Variants in DTL observed in about 807,000 individuals in gnomAD.
DTL encodes denticleless E3 ubiquitin protein ligase adapter.
DTL carries 46 observed loss-of-function variants against 87.0 expected under a neutral mutation model. That is an observed-to-expected ratio of 0.53 (90% CI 0.42 to 0.68). The LOEUF is 0.68. Ranked by LOEUF, DTL falls within the 30% of genes least tolerant of loss-of-function variation. DTL has a pLI of 0.00. For missense variants in DTL, 737 were observed against 869.4 expected (o/e 0.85, Z 1.91); for synonymous variants, 308 against 311.2 (o/e 0.99, Z 0.11).
intron 13 of DTL, among the ~76,000 whole-genome samples, chr1:212,084,876 T>G (rs1364234267): frequency 6.6e-6 from 1 of 152,190 alleles, no homozygotes; most frequent in Non-Finnish European, 1.5e-5. Flanking sequence ...CATGGGGGAT[T>G]GGATCCAGGA....
chr1:212,035,793 A>T lies in DTL; in HGVS notation c.-98A>T. The T allele has an allele frequency of 8.4e-7, 1 of 1,192,706 alleles. No individual in the cohort carries two copies. The highest frequency in any genetic ancestry group is 1.2e-6 in the Non-Finnish European group (1 of 824,252). 73.9% of individuals were successfully genotyped at this position (1,192,706 alleles called of 1,614,324 possible). ...TACAGTGGCGGGAGTTGGAGGCGAT[A>T]ACGATTTGTGTTGTGAGAGGCGCAA... is the stretch of plus-strand genomic sequence containing the variant. On this transcript the variant is annotated 5_prime_UTR_variant, in exon 1 of 15. Coordinates refer to ENST00000366991, the MANE Select transcript of DTL (RefSeq NM_016448.4).
At chr1:212,092,203 C>T (rs969764708) in intron 13 of DTL, among the ~76,000 whole-genome samples, 4 of 152,244 alleles carry the variant, frequency 2.6e-5, no homozygotes, top group South Asian at 2.1e-4. Context: ...TGAGAACATA[C>T]GATGTTTGGT....
intron 13 of DTL, among the ~76,000 whole-genome samples, chr1:212,085,197 A>G (rs1655093267): frequency 6.6e-6 from 1 of 152,214 alleles, no homozygotes; most frequent in African/African-American, 2.4e-5. Context: ...CTCAAGATAT[A>G]GAGAGTCAAC....
intron 11 of DTL, 151 bp from the exon 12 acceptor site, chr1:212,078,022 G>T: frequency 7.7e-6 from 3 of 390,964 alleles, no homozygotes; most frequent in East Asian, 3.8e-5. Flanking sequence ...TTGGAAATCT[G>T]TTGTTTTTTT....
chr1:212,061,726 A>G (rs1473405454), intron 5 of DTL, among the ~76,000 whole-genome samples: 2 of 152,242 alleles, frequency 1.3e-5, no homozygotes, highest in Non-Finnish European at 2.9e-5. Context: ...AATGTCATTC[A>G]CATCAACATT....
intron 13 of DTL, among the ~76,000 whole-genome samples, chr1:212,097,929 G>A (rs1267833078): frequency 1.3e-5 from 2 of 152,142 alleles, no homozygotes; most frequent in Non-Finnish European, 2.9e-5. Context: ...TTGGTGTGGT[G>A]CTCTCCCCCT....
chr1:212,078,939 T>C (rs1365949819), intron 12 of DTL, among the ~76,000 whole-genome samples: 2 of 152,206 alleles, frequency 1.3e-5, no homozygotes, highest in Non-Finnish European at 2.9e-5. Context: ...GTCTTTGAGT[T>C]ATTCTGGGTT....
chr1:212,093,386 AG>A (rs757099802), intron 13 of DTL, among the ~76,000 whole-genome samples: 3 of 152,222 alleles, frequency 2.0e-5, no homozygotes, highest in Non-Finnish European at 4.4e-5. Flanking sequence ...GCAAGGACAG[AG>A]GGCTTTCTGT....
At chr1:212,041,657 A>G (rs1343124230) in intron 1 of DTL, among the ~76,000 whole-genome samples, 1 of 151,270 alleles carries the variant, frequency 6.6e-6, no homozygotes, top group Non-Finnish European at 1.5e-5. Context: ...GGCGCCTGCC[A>G]CCACGCCTGG....
chr1:212,067,841 T>A (rs1426429324), intron 8 of DTL, among the ~76,000 whole-genome samples: 1 of 152,230 alleles, frequency 6.6e-6, no homozygotes, highest in Non-Finnish European at 1.5e-5. Flanking sequence ...TATGGAGATA[T>A]AACCACAGGG....
intron 14 of DTL, among the ~76,000 whole-genome samples, chr1:212,102,294 T>C (rs1288512082): frequency 1.3e-5 from 2 of 152,170 alleles, no homozygotes; most frequent in African/African-American, 4.8e-5. Flanking sequence ...ATTTTTTTTT[T>C]CAAGGGAGCT....
chr1:212,063,321 C>T (rs1270703957), intron 6 of DTL, among the ~76,000 whole-genome samples: 2 of 146,856 alleles, frequency 1.4e-5, no homozygotes, highest in African/African-American at 5.1e-5. Flanking sequence ...GAGATGGAGT[C>T]TCTGTCACCC....
At position 212,104,875 on chromosome 1, in the gene DTL, T is replaced by C. The variant is rs1375820570; in HGVS notation, c.*1935T>C. The C allele has an allele frequency of 6.6e-6, 1 of 152,352 alleles. No homozygotes were observed. Among genetic ancestry groups the C allele is most frequent in the East Asian group, 1.9e-4 (1 of 5,186 alleles). The allele number at this position is 152,352 out of a possible 1,614,324, so 9.4% of individuals were successfully genotyped here. On this transcript the variant is annotated 3_prime_UTR_variant, in exon 15 of 15. Coordinates refer to ENST00000366991, the MANE Select transcript of DTL (RefSeq NM_016448.4). ...ATGTCCTTTTCTGAGCTTTTTGCAT[T>C]ACCTAGAAGCAGTCTACAAAAAAGA...
chr1:212,044,563 A>G (rs1402665405), intron 2 of DTL, 97 bp from the exon 3 acceptor site: 6 of 696,618 alleles, frequency 8.6e-6, no homozygotes, highest in African/African-American at 3.7e-5. Context: ...AAACTGCACT[A>G]TTGCACTCCA....
chr1:212,070,525 G>A (rs1390097522), intron 10 of DTL, among the ~76,000 whole-genome samples: 1 of 151,784 alleles, frequency 6.6e-6, no homozygotes, highest in African/African-American at 2.4e-5. Context: ...TAGGAGGATT[G>A]TTTGAGCCTG....
At chr1:212,097,887 G>C (rs965673643) in intron 13 of DTL, among the ~76,000 whole-genome samples, 1 of 129,978 alleles carries the variant, frequency 7.7e-6, no homozygotes, top group East Asian at 2.8e-4. Context: ...AATGTGTGCT[G>C]TTTAAATTCT....
chr1:212,044,777 TTTTTG>T lies in DTL; in HGVS notation c.277+24_277+28del. 2 of 1,523,820 alleles carry T rather than the reference TTTTTG, an allele frequency of 1.3e-6. No individual in the cohort carries two copies. Among genetic ancestry groups the T allele is most frequent in the Non-Finnish European group, 1.8e-6 (2 of 1,110,886 alleles). 94.4% of individuals were successfully genotyped at this position (1,523,820 alleles called of 1,614,324 possible). A position where few individuals can be genotyped will look rare whatever the true frequency, so the allele number is the denominator to read the frequency against. ...TTCAAAGGTAAGTCTAGGTCTACAA[TTTTTG>T]TTTTAACATTTAAAAAACTTTACAC... On this transcript the variant is annotated intron_variant, in intron 3 of 14. Transcript: ENST00000366991.
chr1:212,074,234 T>C (rs138109574), intron 11 of DTL, among the ~76,000 whole-genome samples: 1 of 148,734 alleles, frequency 6.7e-6, no homozygotes, highest in African/African-American at 2.4e-5. Flanking sequence ...TTTTAAATTA[T>C]ATATATACAT....
At chr1:212,083,247 A>T (rs190063761) in intron 13 of DTL, among the ~76,000 whole-genome samples, 1 of 152,274 alleles carries the variant, frequency 6.6e-6, no homozygotes, top group African/African-American at 2.4e-5. Flanking sequence ...ACTCCCCCTT[A>T]TAATATTGTC....
Sources: gnomAD v4.1 joint callset for allele counts (sites outside exome capture counted in the v4.1 genomes callset) on GRCh38, gnomAD v4.1.1 for gene constraint, MANE v1.5 for transcripts, NCBI Gene and HGNC (gene_info 2026-07-23, HGNC 2026-07-21) for gene names.